The following TPRG1 variants were observed in gnomAD, a reference collection of about 807,000 sequenced individuals.
TPRG1 encodes tumor protein p63-regulated gene 1 protein.
TPRG1 carries 29 observed loss-of-function variants against 29.3 expected under a neutral mutation model. The observed-to-expected ratio is 0.99, with a 90% CI of 0.74 to 1.35. The LOEUF is 1.35. Among genes scored for constraint, TPRG1 ranks in the 40% most tolerant of loss-of-function variants. TPRG1 has a pLI of 0.00. For missense variants in TPRG1, 327 were observed against 335.0 expected (o/e 0.98, Z 0.19); for synonymous variants, 130 against 116.8 (o/e 1.11, Z -0.73).
chr3:189,158,518 A>G (rs1012454652), intron 5 of TPRG1, among the ~76,000 whole-genome samples: 3 of 152,110 alleles, frequency 2.0e-5, no homozygotes, highest in Admixed American at 6.6e-5. Context: ...CTGAGGCAGG[A>G]GAATTGCTGG....
At position 189,282,654 on chromosome 3, in the gene TPRG1, G is replaced by A. The variant is rs573774258; in HGVS notation, c.480-27732G>A. The stretch of plus-strand genomic sequence containing the variant: ...ATATTTTCTGTGTTTTCTACACAAT[G>A]CCTTGGGCATTTCAAGAAATACCTT... On this transcript the variant is annotated intron_variant, in intron 4 of 5. Transcript: ENST00000345063. Among the ~76,000 whole-genome samples, 8 of 152,038 alleles carry A rather than the reference G, an allele frequency of 5.3e-5. No individual in the cohort carries two copies. In the East Asian group the frequency reaches 1.2e-3, roughly 22 times the overall value.
intron 4 of TPRG1, among the ~76,000 whole-genome samples, chr3:189,042,152 T>C (rs1306748964): frequency 6.6e-6 from 1 of 151,876 alleles, no homozygotes; most frequent in African/African-American, 2.4e-5. Context: ...TCCTCAATTT[T>C]AGAAATTAAA....
intron 4 of TPRG1, among the ~76,000 whole-genome samples, chr3:189,255,902 T>A (rs2109018820): frequency 6.6e-6 from 1 of 151,736 alleles, no homozygotes; most frequent in African/African-American, 2.4e-5. Context: ...ATTGTATTTA[T>A]CATTCTTTAT....
chr3:189,137,296 A>ATGTG (rs10525363), intron 3 of TPRG1, among the ~76,000 whole-genome samples: 8,313 of 129,736 alleles, frequency 0.064, 259 homozygotes, highest in Middle Eastern at 0.13. Flanking sequence ...AAACCCCAAA[A>ATGTG]TGTGTGTGTG....
At chr3:189,253,805 A>G (rs1172841155) in intron 4 of TPRG1, among the ~76,000 whole-genome samples, 1 of 152,110 alleles carries the variant, frequency 6.6e-6, no homozygotes, top group East Asian at 1.9e-4. Flanking sequence ...AACTGGCATG[A>G]GATGGTATTT....
At chr3:189,319,627 A>G (rs1320090154) in intron 5 of TPRG1, among the ~76,000 whole-genome samples, 1 of 152,044 alleles carries the variant, frequency 6.6e-6, no homozygotes, top group Non-Finnish European at 1.5e-5. Flanking sequence ...AGTGAACTCC[A>G]AACTCATCTT....
intron 5 of TPRG1, among the ~76,000 whole-genome samples, chr3:189,159,210 G>C (rs1312126263): frequency 6.6e-6 from 1 of 152,020 alleles, no homozygotes; most frequent in Non-Finnish European, 1.5e-5. Flanking sequence ...TAATTCGTTT[G>C]AGCCATACAC....
intron 3 of TPRG1, among the ~76,000 whole-genome samples, chr3:189,134,558 T>G (rs1723509041): frequency 6.6e-6 from 1 of 151,610 alleles, no homozygotes; most frequent in African/African-American, 2.4e-5. Context: ...GGACTATATA[T>G]AGAGGCATGC....
intron 4 of TPRG1, among the ~76,000 whole-genome samples, chr3:189,266,209 C>T (rs1714049337): frequency 6.6e-6 from 1 of 152,162 alleles, no homozygotes; most frequent in Non-Finnish European, 1.5e-5. Flanking sequence ...ATGAGAAGTG[C>T]CAAACTGGTG....
chr3:189,315,889 A>G (rs183509340), intron 5 of TPRG1, among the ~76,000 whole-genome samples: 2 of 152,332 alleles, frequency 1.3e-5, no homozygotes, highest in Admixed American at 1.3e-4. Context: ...AAGATTGTAA[A>G]TAGGGGGAGC....
chr3:189,163,989 C>T (rs1263055927), intron 5 of TPRG1, among the ~76,000 whole-genome samples: 1 of 150,326 alleles, frequency 6.7e-6, no homozygotes, highest in African/African-American at 2.5e-5. Flanking sequence ...AAACTTTTTG[C>T]ATAATAAACA....
At chr3:189,262,210 G>T (rs996019313) in intron 4 of TPRG1, among the ~76,000 whole-genome samples, 1 of 102,802 alleles carries the variant, frequency 9.7e-6, no homozygotes, top group Admixed American at 1.1e-4. Flanking sequence ...CTTGGTATAA[G>T]TATAAGTATA....
intron 3 of TPRG1, among the ~76,000 whole-genome samples, chr3:189,141,165 T>C (rs1046690397): frequency 1.3e-5 from 2 of 152,238 alleles, no homozygotes; most frequent in African/African-American, 2.4e-5. Context: ...AAATCCTTTT[T>C]TCAAGGAAGT....
Position 189,323,305 on chromosome 3 carries a change from A to T in TPRG1, c.*2485A>T, listed in dbSNP as rs1724470747. 1 of 152,062 alleles carries T rather than the reference A, an allele frequency of 6.6e-6. No individual in the cohort carries two copies. The allele number at this position is 152,062 out of a possible 1,614,324, so 9.4% of individuals were successfully genotyped here. ...AGTTAATTAGACCCATTTTTTTCTT[A>T]GGAAAGAGTTGGATCAATCATGGGA... On this transcript the variant is annotated 3_prime_UTR_variant, in exon 6 of 6. Transcript: ENST00000345063.
At chr3:189,289,669 G>T (rs902300743) in intron 4 of TPRG1, among the ~76,000 whole-genome samples, 1 of 152,160 alleles carries the variant, frequency 6.6e-6, no homozygotes, top group Admixed American at 6.5e-5. Context: ...TAATACAGCA[G>T]CACTAGGTAA....
intron 4 of TPRG1, among the ~76,000 whole-genome samples, chr3:189,080,928 G>C (rs1409017510): frequency 6.6e-6 from 1 of 151,964 alleles, no homozygotes; most frequent in African/African-American, 2.4e-5. Flanking sequence ...AGAGACCAGA[G>C]GCAGGAAAGC....
At chr3:189,223,045 C>T (rs929512145) in intron 3 of TPRG1, among the ~76,000 whole-genome samples, 2 of 152,138 alleles carry the variant, frequency 1.3e-5, no homozygotes, top group African/African-American at 4.8e-5. Flanking sequence ...TCATTGTGCA[C>T]TTTGTGAAGA....
intron 3 of TPRG1, among the ~76,000 whole-genome samples, chr3:189,225,231 G>T (rs189165456): frequency 6.6e-6 from 1 of 152,076 alleles, no homozygotes; most frequent in Non-Finnish European, 1.5e-5. Flanking sequence ...ACGCCCTGCC[G>T]TCTCTTCCAA....
exon 3 of TPRG1, chr3:189,132,597 T>C (rs1723229243): frequency 6.6e-6 from 1 of 152,216 alleles, no homozygotes; most frequent in Non-Finnish European, 1.5e-5. Flanking sequence ...TTAGCAGCAG[T>C]CTTCCTGTCT....
Sources: gnomAD v4.1 joint callset for allele counts (sites outside exome capture counted in the v4.1 genomes callset) on GRCh38, gnomAD v4.1.1 for gene constraint, MANE v1.5 for transcripts, NCBI Gene and HGNC (gene_info 2026-07-23, HGNC 2026-07-21) for gene names.